RIN2: variants seen among roughly 807,000 people sequenced by gnomAD.
RIN2 encodes the protein RAB5 interacting protein 2.
In RIN2, 36 loss-of-function variants were observed where a neutral mutation model predicts 78.0. That is an observed-to-expected ratio of 0.46 (90% CI 0.35 to 0.61). The LOEUF is 0.61. Ranked by LOEUF, RIN2 falls within the 20% of genes least tolerant of loss-of-function variation. The probability of loss-of-function intolerance (pLI) is 0.00; values close to 1 mark genes in which losing one functional copy is unlikely to be tolerated. For synonymous variants in RIN2, 466 were observed against 466.8 expected (o/e 1.00, Z 0.02); for missense variants, 1,087 against 1,159.7 (o/e 0.94, Z 0.91).
chr20:19,784,104 C>A (rs1204844448), intron 1 of RIN2, among the ~76,000 whole-genome samples: 1 of 152,184 alleles, frequency 6.6e-6, no homozygotes, highest in Non-Finnish European at 1.5e-5. Context: ...TGGCCAATTG[C>A]CTGCTACCCC....
intron 2 of RIN2, among the ~76,000 whole-genome samples, chr20:19,854,172 C>G (rs1338070599): frequency 6.6e-6 from 1 of 152,126 alleles, no homozygotes; most frequent in African/African-American, 2.4e-5. Context: ...TCAGGTTTGT[C>G]AAAGATCAGA....
In RIN2 at chr20:19,899,026, C is replaced by T. The variant is rs145362014; in HGVS notation, c.57+9368C>T. Among the ~76,000 whole-genome samples, 339 of 152,310 alleles carry T rather than the reference C, an allele frequency of 2.2e-3. 1 individual carries two copies. The highest frequency in any genetic ancestry group is 7.3e-3 in the East Asian group (38 of 5,186). On this transcript the variant is annotated intron_variant, in intron 3 of 12. Transcript: ENST00000255006. ...TAAACACTTTTTATCAGAAAAAACA[C>T]GCCCCACCTTTTTAATCTATTTCCA...
intron 9 of RIN2, among the ~76,000 whole-genome samples, chr20:19,987,841 A>G (rs763116795): frequency 2.6e-5 from 4 of 152,144 alleles, no homozygotes; most frequent in Admixed American, 6.5e-5. Flanking sequence ...CTTGATTTCT[A>G]TAGTTATATA....
intron 8 of RIN2, 151 bp from the exon 9 acceptor site, chr20:19,974,503 G>C: frequency 1.4e-6 from 1 of 738,990 alleles, no homozygotes; most frequent in East Asian, 2.7e-5. Context: ...GCCCTTTCCA[G>C]TAAAGGAATG....
chr20:19,955,726 A>G (rs2041505019), intron 4 of RIN2, among the ~76,000 whole-genome samples: 1 of 152,202 alleles, frequency 6.6e-6, no homozygotes, highest in East Asian at 1.9e-4. Flanking sequence ...GATTTTACGA[A>G]TAGCACAGCA....
intron 6 of RIN2, 44 bp from the exon 7 acceptor site, chr20:19,964,908 C>T (rs749571406): frequency 3.1e-5 from 48 of 1,544,028 alleles, no homozygotes; most frequent in Admixed American, 6.7e-5. Flanking sequence ...TGTCCCAGAA[C>T]GTGCTCAGGG....
chr20:19,956,645 C>T lies in RIN2; in HGVS notation c.189C>T (p.Ser63=), dbSNP rs368413043. Residue 63 remains serine (S), a synonymous_variant, in exon 5 of 13, where the codon TCC becomes TCT. Coordinates refer to ENST00000255006, the MANE Select transcript of RIN2 (RefSeq NM_018993.4). The part of the protein sequence containing the change: ...SMVRHKDGGY[S]EEEDVKTCAR... ...TAAGACACAAGGATGGTGGCTATTC[C>T]GAGGAAGAGGACGTGAAGACCTGTG... 1,608 of 1,613,280 alleles carry T rather than the reference C, an allele frequency of 1.0e-3. 3 individuals carry two copies. Among genetic ancestry groups the T allele is most frequent in the Non-Finnish European group, 1.2e-3 (1,394 of 1,179,700 alleles).
At chr20:19,762,497 C>G (rs2033680597) in intron 1 of RIN2, among the ~76,000 whole-genome samples, 1 of 152,104 alleles carries the variant, frequency 6.6e-6, no homozygotes, top group Non-Finnish European at 1.5e-5. Context: ...TTCGAAAGCA[C>G]AAAAAGTAAC....
intron 2 of RIN2, among the ~76,000 whole-genome samples, chr20:19,839,156 G>T (rs764803781): frequency 1.6e-4 from 25 of 152,184 alleles, no homozygotes; most frequent in South Asian, 4.1e-4. Flanking sequence ...TTTAACCTTT[G>T]CCTGACAACC....
At chr20:19,952,690 G>A (rs918579126) in intron 4 of RIN2, among the ~76,000 whole-genome samples, 2 of 152,112 alleles carry the variant, frequency 1.3e-5, no homozygotes, top group Non-Finnish European at 1.5e-5. Context: ...ATGTCAACGT[G>A]TTTACTTTCA....
At chr20:19,844,679 CTTCTTCCTCTTCCTCTTCCTCTT>C (rs2036713506) in intron 2 of RIN2, among the ~76,000 whole-genome samples, 1 of 59,830 alleles carries the variant, frequency 1.7e-5, no homozygotes, top group Non-Finnish European at 3.2e-5. Context: ...CCTTCTTCTT[CTTCTTCCTCTTCCTCTTCCTCTT>C]CTTCTTCTTC....
intron 1 of RIN2, among the ~76,000 whole-genome samples, chr20:19,797,078 G>A (rs2035080544): frequency 6.6e-6 from 1 of 152,172 alleles, no homozygotes; most frequent in South Asian, 2.1e-4. Context: ...TGAATTGTGT[G>A]AGCAATTCCA....
chr20:19,893,216 T>C (rs2038563586), intron 3 of RIN2, among the ~76,000 whole-genome samples: 1 of 152,122 alleles, frequency 6.6e-6, no homozygotes, highest in African/African-American at 2.4e-5. Flanking sequence ...TTTAGGAAGA[T>C]GGTTGGAGCT....
rs144514106 is a variant in RIN2, at chr20:19,776,688, C to T, written c.-163+18361C>T. 9.8e-3 allele frequency among the ~76,000 whole-genome samples: 1,477 copies of T among 151,220 alleles called. 23 individuals are homozygous for T. Among genetic ancestry groups the T allele is most frequent in the African/African-American group, 0.034 (1,398 of 41,116 alleles). On this transcript the variant is annotated intron_variant, in intron 1 of 12. Coordinates refer to ENST00000255006, the MANE Select transcript of RIN2 (RefSeq NM_018993.4). The stretch of plus-strand genomic sequence containing the variant: ...TGGAGGCTGCAGTGAGCCGAGATCA[C>T]GCCACTGCGCTCCAGCCTGGGTGAC...
intron 2 of RIN2, among the ~76,000 whole-genome samples, chr20:19,831,948 G>A (rs1415909590): frequency 6.6e-6 from 1 of 152,120 alleles, no homozygotes; most frequent in African/African-American, 2.4e-5. Flanking sequence ...TACAGATAAT[G>A]TTTCTAGCAA....
chr20:19,849,507 G>C (rs2036893108), intron 2 of RIN2, among the ~76,000 whole-genome samples: 1 of 152,186 alleles, frequency 6.6e-6, no homozygotes, highest in Non-Finnish European at 1.5e-5. Context: ...CAGAGAGAGA[G>C]AGCTTCCAGA....
At chr20:19,760,104 C>T (rs2033575346) in intron 1 of RIN2, among the ~76,000 whole-genome samples, 1 of 152,202 alleles carries the variant, frequency 6.6e-6, no homozygotes, top group African/African-American at 2.4e-5. Context: ...TGCTAATTTT[C>T]CTTTTTGCCT....
intron 2 of RIN2, among the ~76,000 whole-genome samples, chr20:19,808,251 C>T (rs564959683): frequency 1.3e-5 from 2 of 152,338 alleles, no homozygotes; most frequent in East Asian, 3.9e-4. Flanking sequence ...TCACAGGCCA[C>T]ACCTGGCAGT....
At chr20:19,929,227 A>G (rs1472059063) in intron 3 of RIN2, among the ~76,000 whole-genome samples, 1 of 152,194 alleles carries the variant, frequency 6.6e-6, no homozygotes, top group African/African-American at 2.4e-5. Context: ...GCCCCTCCCC[A>G]TGCTTGCAGG....
Sources: gnomAD v4.1 joint callset for allele counts (sites outside exome capture counted in the v4.1 genomes callset) on GRCh38, gnomAD v4.1.1 for gene constraint, MANE v1.5 for transcripts, NCBI Gene and HGNC (gene_info 2026-07-23, HGNC 2026-07-21) for gene names.